The following KIRREL3 variants were observed in gnomAD, a reference collection of about 807,000 sequenced individuals.
KIRREL3 encodes the protein kirre like nephrin family adhesion molecule 3.
A neutral mutation model predicts 89.7 loss-of-function variants in KIRREL3; 36 were observed. That is an observed-to-expected ratio of 0.40 (90% CI 0.31 to 0.53). The LOEUF is 0.53. KIRREL3 is among the 20% of genes least tolerant of loss of function. KIRREL3 has a pLI of 0.49. For missense variants in KIRREL3, 864 were observed against 1,056.6 expected (o/e 0.82, Z 2.53); for synonymous variants, 445 against 441.4 (o/e 1.01, Z -0.10).
Position 126,943,852 on chromosome 11 carries a change from G to C in KIRREL3, c.55+56603C>G, listed in dbSNP as rs1247490602. The stretch of plus-strand genomic sequence containing the variant: ...GCTAATCTCAAGGTTTAGGAGGTGA[G>C]GGGGACATAGTATCATTCGGTTTGG... On this transcript the variant is annotated intron_variant, in intron 1 of 16. Coordinates refer to ENST00000525144, the MANE Select transcript of KIRREL3 (RefSeq NM_032531.4). This position sits in a 1 kb window ranked among gnomAD's most constrained non-coding sequence, Gnocchi z 4.2. Among the ~76,000 whole-genome samples the C allele has an allele frequency of 6.6e-6, 1 of 152,190 alleles. No homozygotes were observed. Among genetic ancestry groups the C allele is most frequent in the East Asian group, 1.9e-4 (1 of 5,192 alleles).
intron 1 of KIRREL3, among the ~76,000 whole-genome samples, chr11:126,801,702 A>G (rs1480501249): frequency 6.6e-6 from 1 of 152,198 alleles, no homozygotes; most frequent in Non-Finnish European, 1.5e-5. Flanking sequence ...GAAAGTGGGA[A>G]AGGAATAAGT....
At chr11:126,828,306 G>A (rs1486573090) in intron 1 of KIRREL3, among the ~76,000 whole-genome samples, 2 of 152,050 alleles carry the variant, frequency 1.3e-5, no homozygotes, top group African/African-American at 2.4e-5. Flanking sequence ...AAGGTGATGC[G>A]ACCTGCTTGA....
chr11:126,824,330 C>T lies in KIRREL3; in HGVS notation c.55+176125G>A, dbSNP rs78736559. On this transcript the variant is annotated intron_variant, in intron 1 of 16. Transcript: ENST00000525144. Reference sequence around the variant, plus strand: ...CAGTCTACAGAGTGCCTACCTGTGCCAGGTGCATTCACAGAAATGATTTCA... The same window carrying T: ...CAGTCTACAGAGTGCCTACCTGTGCTAGGTGCATTCACAGAAATGATTTCA... Among the ~76,000 whole-genome samples the T allele has an allele frequency of 3.5e-3, 527 of 152,316 alleles. 3 individuals are homozygous for T. The highest frequency in any genetic ancestry group is 0.012 in the African/African-American group (499 of 41,570).
intron 11 of KIRREL3, 100 bp downstream of exon 11, chr11:126,440,349 C>G: frequency 9.9e-7 from 1 of 1,012,042 alleles, no homozygotes; most frequent in South Asian, 1.4e-5. Flanking sequence ...GAAAGAGGAA[C>G]CTCGGAGGTG....
In KIRREL3 at chr11:126,490,747, TC is replaced by T. The variant is rs1245619659; in HGVS notation, c.434-17282del. Among the ~76,000 whole-genome samples, 4 of 152,144 alleles carry T rather than the reference TC, an allele frequency of 2.6e-5. No homozygotes were observed. Among genetic ancestry groups the T allele is most frequent in the Non-Finnish European group, 4.4e-5 (3 of 68,028 alleles). On this transcript the variant is annotated intron_variant, in intron 4 of 16. Coordinates refer to ENST00000525144, the MANE Select transcript of KIRREL3 (RefSeq NM_032531.4). This position sits in a 1 kb window ranked among gnomAD's most constrained non-coding sequence, Gnocchi z 4.2. ...TGCTCATTCCTTTTCTTGTCTCTCCTCCCTCCTCGTCTCCCAAAGAATGGGT... is the reference window on the plus strand; with the variant it reads ...TGCTCATTCCTTTTCTTGTCTCTCCTCCTCCTCGTCTCCCAAAGAATGGGT...
Position 126,724,109 on chromosome 11 carries a change from G to C in KIRREL3, c.56-161197C>G, listed in dbSNP as rs550560029. ...AAAACCAAGTCTCCTTCTGGAGATA[G>C]AGATGCAGATCACCACCTACCCCAA... is the stretch of plus-strand genomic sequence containing the variant. On this transcript the variant is annotated intron_variant, in intron 1 of 16. Transcript: ENST00000525144. This position sits in a 1 kb window ranked among gnomAD's most constrained non-coding sequence, Gnocchi z 4.3. 6.6e-6 allele frequency among the ~76,000 whole-genome samples: 1 copy of C among 152,302 alleles called. No individual in the cohort carries two copies. Among genetic ancestry groups the C allele is most frequent in the East Asian group, 1.9e-4 (1 of 5,174 alleles).
rs571768842 is a variant in KIRREL3 at position 126,558,022 on chromosome 11, T to C, written c.133+4813A>G. 2.0e-5 allele frequency among the ~76,000 whole-genome samples: 3 copies of C among 152,330 alleles called. No individual in the cohort carries two copies. The highest frequency in any genetic ancestry group is 1.9e-4 in the East Asian group (1 of 5,182). On this transcript the variant is annotated intron_variant, in intron 2 of 16. Coordinates refer to ENST00000525144, the MANE Select transcript of KIRREL3 (RefSeq NM_032531.4). The surrounding 1 kb of genome is among the most constrained non-coding windows in gnomAD (Gnocchi z 4.0). The stretch of plus-strand genomic sequence containing the variant: ...CACCCAGAGGCATTTCTGCTCTCCC[T>C]TGGTCTCTTGAAGCAGACATCATTG...
rs3212315 is a variant in KIRREL3 at position 126,435,166 on chromosome 11, G to A, written c.1588+102C>T. ...GACGGGGGAGGGCGGAGACACTAGC[G>A]GCCAGCACAGGCCTCCCTACCCCCT... On this transcript the variant is annotated intron_variant, in intron 13 of 16. Transcript: ENST00000525144. 2,589 of 1,210,438 alleles carry A rather than the reference G, an allele frequency of 2.1e-3. 6 individuals carry two copies. The highest frequency in any genetic ancestry group is 2.6e-3 in the Non-Finnish European group (2,159 of 822,404). The allele number at this position is 1,210,438 out of a possible 1,614,324, so 75.0% of individuals were successfully genotyped here. A position where few individuals can be genotyped will look rare whatever the true frequency, so the allele number is the denominator to read the frequency against.
At position 126,544,883 on chromosome 11, in the gene KIRREL3, T is replaced by C. The variant is rs1938672161; in HGVS notation, c.133+17952A>G. On this transcript the variant is annotated intron_variant, in intron 2 of 16. Transcript: ENST00000525144. The surrounding 1 kb of genome is among the most constrained non-coding windows in gnomAD (Gnocchi z 5.6). ...TTGTTTGGCCATGCACTGTCTAAAC[T>C]CCTCTAACCTATTTAGGCCACAGAG... Among the ~76,000 whole-genome samples the C allele has an allele frequency of 6.6e-6, 1 of 152,152 alleles. No individual in the cohort carries two copies. Among genetic ancestry groups the C allele is most frequent in the Admixed American group, 6.5e-5 (1 of 15,284 alleles).
rs1243222013 is a variant in KIRREL3, at chr11:126,744,215, T to C, written c.56-181303A>G. ...GCCAGTCAAGGGACAAAATGGACATTGGTTTGTCTTCTGAAACACACAACT... is the reference window on the plus strand; with the variant it reads ...GCCAGTCAAGGGACAAAATGGACATCGGTTTGTCTTCTGAAACACACAACT... On this transcript the variant is annotated intron_variant, in intron 1 of 16. Transcript: ENST00000525144. This position sits in a 1 kb window ranked among gnomAD's most constrained non-coding sequence, Gnocchi z 4.7. Among the ~76,000 whole-genome samples, 2 of 149,976 alleles carry C rather than the reference T, an allele frequency of 1.3e-5. No individual in the cohort carries two copies. The highest frequency in any genetic ancestry group is 4.9e-5 in the African/African-American group (2 of 40,836).
Position 126,568,122 on chromosome 11 carries a change from A to G in KIRREL3, c.56-5210T>C, listed in dbSNP as rs1940652496. ...GTGTGGCTGTAGCAGAAGAAAAAAG[A>G]TGAGACAGGAGATCTAGCCAGGGAC... On this transcript the variant is annotated intron_variant, in intron 1 of 16. Transcript: ENST00000525144. The surrounding 1 kb of genome is among the most constrained non-coding windows in gnomAD (Gnocchi z 4.6). 6.6e-6 allele frequency among the ~76,000 whole-genome samples: 1 copy of G among 152,122 alleles called. No individual in the cohort carries two copies. The highest frequency in any genetic ancestry group is 2.4e-5 in the African/African-American group (1 of 41,450).
Position 126,609,174 on chromosome 11 carries a change from G to A in KIRREL3, c.56-46262C>T, listed in dbSNP as rs1943016437. Among the ~76,000 whole-genome samples, 1 of 152,164 alleles carries A rather than the reference G, an allele frequency of 6.6e-6. No individual in the cohort carries two copies. Among genetic ancestry groups the A allele is most frequent in the Non-Finnish European group, 1.5e-5 (1 of 68,030 alleles). On this transcript the variant is annotated intron_variant, in intron 1 of 16. Transcript: ENST00000525144. The surrounding 1 kb of genome is among the most constrained non-coding windows in gnomAD (Gnocchi z 5.0). The stretch of plus-strand genomic sequence containing the variant: ...AGGTTGGGTTTGTTTTCCCCGCTCT[G>A]AGACCGGACCTCAGGAAAGGGGTGC...
Position 126,974,466 on chromosome 11 carries a change from G to C in KIRREL3, c.55+25989C>G, listed in dbSNP as rs962257959. ...GCCCGTTACACACCTAGGCTACATG[G>C]TATAGCCCGTTACACACCTAGGCTA... On this transcript the variant is annotated intron_variant, in intron 1 of 16. Transcript: ENST00000525144. 1.2e-4 allele frequency among the ~76,000 whole-genome samples: 17 copies of C among 143,200 alleles called. 1 individual carries two copies. Among genetic ancestry groups the C allele is most frequent in the Non-Finnish European group, 2.3e-4 (15 of 65,380 alleles). The allele number at this position is 143,200 out of a possible 152,430, so 93.9% of individuals were successfully genotyped here. A position where few individuals can be genotyped will look rare whatever the true frequency, so the allele number is the denominator to read the frequency against.
At position 126,446,873 on chromosome 11, in the gene KIRREL3, C is replaced by T. The variant is rs371460959; in HGVS notation, c.1011G>A (p.Met337Ile). Residue 337 changes from methionine to isoleucine, a missense_variant, in exon 9 of 17, where the codon ATG (methionine) becomes ATA (isoleucine). Met to Ile is a conservative substitution (Grantham distance 10). Transcript: ENST00000525144. Reference sequence around the variant, plus strand: ...CGAGCAAGGATTGGGGTTCTGTGGTCATCCGGGGCCCAACTGCGATGTGAG... The same window carrying T: ...CGAGCAAGGATTGGGGTTCTGTGGTTATCCGGGGCCCAACTGCGATGTGAG... The part of the protein sequence containing the change: ...RTVDVYFGPR[M>I]TTEPQSLLVD... 6.9e-6 allele frequency: 11 copies of T among 1,605,112 alleles called. No individual in the cohort carries two copies. The African/African-American group carries it at 1.5e-4, about 21-fold the overall frequency.
intron 1 of KIRREL3, chr11:126,944,594 C>A (rs1351689826): frequency 1.3e-5 from 2 of 152,170 alleles, no homozygotes; most frequent in Admixed American, 6.5e-5. Flanking sequence ...AGTGGGCTGA[C>A]TTGAGACAAA....
chr11:126,810,152 G>A (rs1951332843), intron 1 of KIRREL3, among the ~76,000 whole-genome samples: 1 of 152,096 alleles, frequency 6.6e-6, no homozygotes, highest in Admixed American at 6.5e-5. Context: ...TGCTCACACT[G>A]GACTAAGAGC....
chr11:126,830,885 C>T lies in KIRREL3; in HGVS notation c.55+169570G>A, dbSNP rs578011291. 3.3e-5 allele frequency among the ~76,000 whole-genome samples: 5 copies of T among 152,176 alleles called. No individual in the cohort carries two copies. In the East Asian group the frequency reaches 9.7e-4, roughly 29 times the overall value. Reference sequence around the variant, plus strand: ...ATCAGAAAAAAGATCACATAATTACCAAGATGTTGCTTTATGGGCAAGGGG... The same window carrying T: ...ATCAGAAAAAAGATCACATAATTACTAAGATGTTGCTTTATGGGCAAGGGG... On this transcript the variant is annotated intron_variant, in intron 1 of 16. Coordinates refer to ENST00000525144, the MANE Select transcript of KIRREL3 (RefSeq NM_032531.4). The surrounding 1 kb of genome is among the most constrained non-coding windows in gnomAD (Gnocchi z 4.9).
rs755822348 is a variant in KIRREL3 at position 126,569,574 on chromosome 11, T to C, written c.56-6662A>G. 9.5e-4 allele frequency among the ~76,000 whole-genome samples: 145 copies of C among 152,194 alleles called. 2 individuals carry two copies. Among genetic ancestry groups the C allele is most frequent in the Non-Finnish European group, 1.9e-4 (13 of 68,034 alleles). On this transcript the variant is annotated intron_variant, in intron 1 of 16. Transcript: ENST00000525144. The surrounding 1 kb of genome is among the most constrained non-coding windows in gnomAD (Gnocchi z 6.5). ...AAAGATACTATAATCCAGTTGGCTA[T>C]ACAAGACATATACTTAAGAAAAGGT...
chr11:126,620,489 G>A lies in KIRREL3; in HGVS notation c.56-57577C>T, dbSNP rs185062952. On this transcript the variant is annotated intron_variant, in intron 1 of 16. Transcript: ENST00000525144. The surrounding 1 kb of genome is among the most constrained non-coding windows in gnomAD (Gnocchi z 4.8). The stretch of plus-strand genomic sequence containing the variant: ...ATGTGAGGCTCTAGGTCCATGAAAG[G>A]GCCCACATACACCACACACCATTGT... Among the ~76,000 whole-genome samples the A allele has an allele frequency of 6.6e-6, 1 of 152,226 alleles. No homozygotes were observed. The highest frequency in any genetic ancestry group is 2.4e-5 in the African/African-American group (1 of 41,534).
Sources: allele counts gnomAD v4.1 joint callset (sites outside exome capture counted in the v4.1 genomes callset), GRCh38; gene constraint gnomAD v4.1.1; non-coding constraint Gnocchi (gnomAD v3.1); transcripts MANE v1.5; gene names NCBI Gene and HGNC (gene_info 2026-07-23, HGNC 2026-07-21).